FOXP2: variants seen among roughly 807,000 people sequenced by gnomAD.
FOXP2 encodes the protein forkhead box protein P2.
A neutral mutation model predicts 115.8 loss-of-function variants in FOXP2; 12 were observed. The ratio of observed to expected loss-of-function variants is 0.10; its 90% CI spans 0.07 to 0.17. The LOEUF (loss-of-function observed/expected upper bound fraction) is 0.17. FOXP2 is among the 10% of genes least tolerant of loss of function. FOXP2 has a pLI of 1.00. For synonymous variants in FOXP2, 328 were observed against 297.7 expected (o/e 1.10, Z -1.05); for missense variants, 629 against 843.5 (o/e 0.75, Z 3.15).
intron 1 of FOXP2, among the ~76,000 whole-genome samples, chr7:114,107,666 G>C (rs1791154819): frequency 6.6e-6 from 1 of 151,978 alleles, no homozygotes; most frequent in African/African-American, 2.4e-5. Flanking sequence ...TTGGTGTTGG[G>C]AGCATATGTT....
intron 10 of FOXP2, among the ~76,000 whole-genome samples, chr7:114,657,719 T>C (rs1806662627): frequency 6.6e-6 from 1 of 152,192 alleles, no homozygotes; most frequent in African/African-American, 2.4e-5. Context: ...ATTGCTGTTG[T>C]TGTTGCTTCA....
chr7:114,210,546 C>T (rs1331733046), intron 1 of FOXP2, among the ~76,000 whole-genome samples: 1 of 152,146 alleles, frequency 6.6e-6, no homozygotes. Flanking sequence ...CAGGGAAGTA[C>T]TGACTTGTTA....
chr7:114,461,235 A>G (rs1268738854), intron 2 of FOXP2, among the ~76,000 whole-genome samples: 1 of 152,196 alleles, frequency 6.6e-6, no homozygotes, highest in East Asian at 1.9e-4. Flanking sequence ...TGCTTTGAAT[A>G]TCTTTAAAGT....
At chr7:114,291,671 T>A (rs1796593632) in intron 2 of FOXP2, among the ~76,000 whole-genome samples, 1 of 151,354 alleles carries the variant, frequency 6.6e-6, no homozygotes, top group African/African-American at 2.4e-5. Flanking sequence ...TTTGGCTGAA[T>A]TCAGTCCACT....
At chr7:114,686,440 T>C (rs1808369108) in intron 16 of FOXP2, among the ~76,000 whole-genome samples, 1 of 152,224 alleles carries the variant, frequency 6.6e-6, no homozygotes. Flanking sequence ...CCCAAAGTGC[T>C]GGGATAACAG....
At chr7:114,297,340 G>T (rs749422018) in intron 2 of FOXP2, 4 of 643,832 alleles carry the variant, frequency 6.2e-6, no homozygotes, top group Non-Finnish European at 1.1e-5. Context: ...AGGCGCCCGT[G>T]GTGGCGGCTG....
At chr7:114,098,580 G>C (rs1799703442) in intron 1 of FOXP2, among the ~76,000 whole-genome samples, 1 of 152,084 alleles carries the variant, frequency 6.6e-6, no homozygotes, top group African/African-American at 2.4e-5. Context: ...ATTCAAAATG[G>C]ATAAAAGACC....
At chr7:114,515,073 T>G (rs1046195934) in intron 2 of FOXP2, among the ~76,000 whole-genome samples, 4 of 150,890 alleles carry the variant, frequency 2.7e-5, no homozygotes, top group African/African-American at 9.8e-5. Flanking sequence ...CTGCATAGTA[T>G]TCCATGGTGT....
intron 2 of FOXP2, among the ~76,000 whole-genome samples, chr7:114,406,610 T>C (rs1470485898): frequency 6.6e-6 from 1 of 151,972 alleles, no homozygotes; most frequent in African/African-American, 2.4e-5. Context: ...CTCACTTACA[T>C]AATGCAGTTT....
At chr7:114,540,656 C>A (rs541663617) in intron 3 of FOXP2, among the ~76,000 whole-genome samples, 1 of 152,068 alleles carries the variant, frequency 6.6e-6, no homozygotes, top group East Asian at 1.9e-4. Flanking sequence ...ACAATTCAGG[C>A]TACAAGTGGT....
chr7:114,357,817 A>G (rs1791651256), intron 2 of FOXP2, among the ~76,000 whole-genome samples: 1 of 152,208 alleles, frequency 6.6e-6, no homozygotes, highest in Admixed American at 6.5e-5. Context: ...TGTGGTTTGT[A>G]GAATTAACCT....
At chr7:114,336,325 C>A (rs1187881793) in intron 2 of FOXP2, among the ~76,000 whole-genome samples, 1 of 151,040 alleles carries the variant, frequency 6.6e-6, no homozygotes, top group Non-Finnish European at 1.5e-5. Context: ...AAACCAATTC[C>A]AAATATTTAT....
chr7:114,468,979 A>G lies in FOXP2; in HGVS notation c.168+42300A>G, dbSNP rs374234568. Among the ~76,000 whole-genome samples the G allele has an allele frequency of 3.3e-5, 5 of 152,288 alleles. No homozygotes were observed. In the South Asian group the frequency reaches 1.0e-3, roughly 32 times the overall value. On this transcript the variant is annotated intron_variant, in intron 2 of 16. Transcript: ENST00000350908. ...CATAAGAACTCTTAGTAAAGCACTT[A>G]TCTATTCTCAGTCTTCACTTGGCCT...
intron 3 of FOXP2, among the ~76,000 whole-genome samples, chr7:114,608,727 G>T (rs1803467939): frequency 6.6e-6 from 1 of 152,116 alleles, no homozygotes; most frequent in Non-Finnish European, 1.5e-5. Flanking sequence ...GCAAAAATGT[G>T]GAAGAATTTG....
intron 3 of FOXP2, among the ~76,000 whole-genome samples, chr7:114,558,486 T>C (rs1179240740): frequency 6.6e-6 from 1 of 152,078 alleles, no homozygotes; most frequent in Non-Finnish European, 1.5e-5. Context: ...GAAGAGCTGG[T>C]TTTTGCTTCT....
intron 1 of FOXP2, among the ~76,000 whole-genome samples, chr7:114,249,382 A>C (rs946648979): frequency 6.6e-6 from 1 of 151,226 alleles, no homozygotes; most frequent in Non-Finnish European, 1.5e-5. Flanking sequence ...TCCCCCCAGT[A>C]GGCCCCAATG....
intron 1 of FOXP2, among the ~76,000 whole-genome samples, chr7:114,146,694 A>G (rs1383653419): frequency 2.0e-5 from 3 of 152,214 alleles, no homozygotes; most frequent in Non-Finnish European, 2.9e-5. Context: ...ATATGATACT[A>G]TGATATAAAT....
intron 2 of FOXP2, among the ~76,000 whole-genome samples, chr7:114,490,421 A>T (rs1796986019): frequency 1.3e-5 from 2 of 152,116 alleles, no homozygotes; most frequent in South Asian, 4.1e-4. Context: ...GGAGGTAGGG[A>T]TGTATAGGTG....
At chr7:114,531,776 A>G (rs1391654206) in intron 2 of FOXP2, among the ~76,000 whole-genome samples, 1 of 152,004 alleles carries the variant, frequency 6.6e-6, no homozygotes, top group Non-Finnish European at 1.5e-5. Context: ...TTAGCCAGCT[A>G]TCTTGTGATA....
Sources: allele counts gnomAD v4.1 joint callset (sites outside exome capture counted in the v4.1 genomes callset), GRCh38; gene constraint gnomAD v4.1.1; transcripts MANE v1.5; gene names NCBI Gene and HGNC (gene_info 2026-07-23, HGNC 2026-07-21).